The following MYOZ3 variants were observed in gnomAD, a reference collection of about 807,000 sequenced individuals.
The protein encoded by MYOZ3 is myozenin 3, also known as myozenin-3.
In MYOZ3, 19 loss-of-function variants were observed where a neutral mutation model predicts 26.5. The observed-to-expected ratio is 0.72, with a 90% CI of 0.50 to 1.05. MYOZ3 has a LOEUF of 1.05. Ranked by LOEUF, MYOZ3 falls within the 50% of genes least tolerant of loss-of-function variation. The pLI is 0.00. For synonymous variants in MYOZ3, 135 were observed against 138.8 expected, an observed-to-expected ratio of 0.97 and a Z score of 0.19; for missense variants, 322 against 337.1, an observed-to-expected ratio of 0.96 and a Z score of 0.35.
At chr5:150,669,774 T>G (rs1758872804) in intron 2 of MYOZ3, among the ~76,000 whole-genome samples, 1 of 149,242 alleles carries the variant, frequency 6.7e-6, no homozygotes, top group Non-Finnish European at 1.5e-5. Context: ...GCCTCCAGAG[T>G]GGCTGGGATT....
At chr5:150,674,166 G>A (rs1436514938) in intron 6 of MYOZ3, among the ~76,000 whole-genome samples, 1 of 152,190 alleles carries the variant, frequency 6.6e-6, no homozygotes, top group Non-Finnish European at 1.5e-5. Context: ...AGACATTCTG[G>A]AGTTCCCTGG....
Position 150,672,377 on chromosome 5 carries a change from G to T in MYOZ3, c.462G>T (p.Lys154Asn), listed in dbSNP as rs1318566321. ...AEPLKGVPPEKFNHTAISKGY... is the reference protein window; with the variant it reads ...AEPLKGVPPENFNHTAISKGY... ...CGCTGAAGGGCGTCCCGCCAGAGAA[G>T]TTCAACCACACCGCCATCTCCAAGG... Residue 154 changes from lysine to asparagine, a missense_variant, in exon 6 of 7, where the codon AAG becomes AAT. Coordinates refer to ENST00000517768, the MANE Select transcript of MYOZ3 (RefSeq NM_001122853.3). 2.5e-6 allele frequency: 4 copies of T among 1,612,710 alleles called. No homozygotes were observed. Among genetic ancestry groups the T allele is most frequent in the Non-Finnish European group, 3.4e-6 (4 of 1,179,560 alleles).
intron 6 of MYOZ3, among the ~76,000 whole-genome samples, chr5:150,674,485 G>T: frequency 6.6e-6 from 1 of 152,224 alleles, no homozygotes; most frequent in African/African-American, 2.4e-5. Flanking sequence ...CCCAGTCAAG[G>T]GCCTGACTGT....
rs1209204459 is a variant in MYOZ3 at position 150,676,733 on chromosome 5, T to A, written c.614T>A (p.Leu205His). The A allele has an allele frequency of 1.2e-6, 2 of 1,613,782 alleles. No homozygotes were observed. The highest frequency in any genetic ancestry group is 1.7e-6 in the Non-Finnish European group (2 of 1,179,990). The change falls in exon 7 of 7, where the codon CTC becomes CAC. Residue 205 changes from leucine to histidine, a missense_variant. Leu to His is a moderately conservative substitution (Grantham distance 99, BLOSUM62 -3). Coordinates refer to ENST00000517768, the MANE Select transcript of MYOZ3 (RefSeq NM_001122853.3). Reference protein sequence around the residue: ...NKTPVPFGGPLVGGTFPRPGT... With the variant: ...NKTPVPFGGPHVGGTFPRPGT... ...ACCCCGGTGCCATTTGGAGGACCCCTCGTGGGGGGCACTTTTCCCAGGCCA... is the reference window on the plus strand; with the variant it reads ...ACCCCGGTGCCATTTGGAGGACCCCACGTGGGGGGCACTTTTCCCAGGCCA...
chr5:150,662,880 AAGG>A, intron 1 of MYOZ3, 58 bp from the exon 2 acceptor site: 1 of 1,461,230 alleles, frequency 6.8e-7, no homozygotes. Context: ...CAGAGACTGG[AAGG>A]AGGTCTGGGG....
At chr5:150,672,027 C>CG in intron 5 of MYOZ3, 119 bp downstream of exon 5, 1 of 1,341,000 alleles carries the variant, frequency 7.5e-7, no homozygotes, top group South Asian at 1.4e-5. Context: ...AACACACACG[C>CG]GCACGCGCGC....
chr5:150,674,526 C>T (rs1758973850), intron 6 of MYOZ3, among the ~76,000 whole-genome samples: 1 of 152,226 alleles, frequency 6.6e-6, no homozygotes, highest in South Asian at 2.1e-4. Context: ...ACCACCCAGC[C>T]TGTTCCTGTG....
At position 150,672,453 on chromosome 5, in the gene MYOZ3, G is replaced by T. The variant is rs1363626418; in HGVS notation, c.538G>T (p.Asp180Tyr). 5.6e-6 allele frequency: 9 copies of T among 1,607,970 alleles called. No individual in the cohort carries two copies. Among genetic ancestry groups the T allele is most frequent in the Admixed American group, 1.7e-5 (1 of 59,188 alleles). The stretch of plus-strand genomic sequence containing the variant: ...CGTCAGCTACCGGGACTACCAGAGC[G>T]ATGGCCGAAGTCACACCCCCAGCCC... ...EFVSYRDYQS[D>Y]GRSHTPSPND... The change falls in exon 6 of 7, where the codon GAT (aspartate) becomes TAT (tyrosine). Residue 180 changes from aspartate (D) to tyrosine (Y), a missense_variant. Coordinates refer to ENST00000517768, the MANE Select transcript of MYOZ3 (RefSeq NM_001122853.3).
intron 2 of MYOZ3, among the ~76,000 whole-genome samples, chr5:150,664,206 C>T (rs1758775765): frequency 6.6e-6 from 1 of 152,070 alleles, no homozygotes; most frequent in Admixed American, 6.6e-5. Context: ...TCATATGTGG[C>T]ATCCTTTTAA....
chr5:150,667,283 T>C (rs893490639), intron 2 of MYOZ3, among the ~76,000 whole-genome samples: 1 of 152,160 alleles, frequency 6.6e-6, no homozygotes, highest in Non-Finnish European at 1.5e-5. Context: ...TGGCAACCCC[T>C]CTTCTCAAAC....
At chr5:150,672,117 C>A (rs773090259) in intron 5 of MYOZ3, 1 of 1,048,730 alleles carries the variant, frequency 9.5e-7, no homozygotes, top group Non-Finnish European at 1.4e-6. Flanking sequence ...AAGACCAACC[C>A]GCGCTGCGAA....
At chr5:150,676,672 C>A (rs375582809) in intron 6 of MYOZ3, 35 bp from the exon 7 acceptor site, 2 of 1,601,806 alleles carry the variant, frequency 1.2e-6, no homozygotes, top group African/African-American at 2.7e-5. Flanking sequence ...CCCTGTTCCA[C>A]ACAGCCCACC....
chr5:150,676,633 T>C, intron 6 of MYOZ3, 74 bp from the exon 7 acceptor site: 1 of 1,481,102 alleles, frequency 6.8e-7, no homozygotes, highest in Non-Finnish European at 9.2e-7. Context: ...GGCCCATACA[T>C]GGTGATCCAC....
intron 2 of MYOZ3, among the ~76,000 whole-genome samples, chr5:150,667,657 GATCCCAT>G (rs1258399822): frequency 1.4e-5 from 2 of 145,106 alleles, no homozygotes; most frequent in Non-Finnish European, 3.0e-5. Flanking sequence ...AACCCCTCTT[GATCCCAT>G]AGCTGTCTGT....
chr5:150,667,382 T>C (rs951240755), intron 2 of MYOZ3, among the ~76,000 whole-genome samples: 2 of 152,184 alleles, frequency 1.3e-5, no homozygotes, highest in African/African-American at 4.8e-5. Context: ...GAAGAGAACA[T>C]CTGCAAGCAT....
chr5:150,662,463 G>A (rs561112281), intron 1 of MYOZ3, among the ~76,000 whole-genome samples: 1 of 152,198 alleles, frequency 6.6e-6, no homozygotes, highest in East Asian at 1.9e-4. Flanking sequence ...AGGATGAAAG[G>A]GGCTCACCAG....
At chr5:150,668,359 T>G (rs1448821830) in intron 2 of MYOZ3, among the ~76,000 whole-genome samples, 2 of 152,238 alleles carry the variant, frequency 1.3e-5, no homozygotes, top group Admixed American at 1.3e-4. Context: ...TCAGCAGCAC[T>G]TGGCTCTGTT....
In MYOZ3 at chr5:150,662,967, C is replaced by T. The variant is rs1278939056; in HGVS notation, c.26C>T (p.Pro9Leu). The T allele has an allele frequency of 1.7e-5, 27 of 1,612,008 alleles. No individual in the cohort carries two copies. Among genetic ancestry groups the T allele is most frequent in the Non-Finnish European group, 2.1e-5 (25 of 1,179,168 alleles). The change falls in exon 2 of 7, where the codon CCA becomes CTA. Residue 9 changes from proline to leucine, a missense_variant. Coordinates refer to ENST00000517768, the MANE Select transcript of MYOZ3 (RefSeq NM_001122853.3). MIPKEQKGPVMAAMGDLTE... is the reference protein window; with the variant it reads MIPKEQKGLVMAAMGDLTE... ...ATGATCCCCAAGGAGCAGAAGGGGC[C>T]AGTGATGGCTGCCATGGGGGACCTC...
chr5:150,662,945 A>T lies in MYOZ3; in HGVS notation c.4A>T (p.Ile2Phe). 6.2e-7 allele frequency: 1 copy of T among 1,611,438 alleles called. No individual in the cohort carries two copies. The highest frequency in any genetic ancestry group is 8.5e-7 in the Non-Finnish European group (1 of 1,178,830). The change falls in exon 2 of 7, where the codon ATC becomes TTC. Residue 2 changes from isoleucine to phenylalanine, a missense_variant. Physicochemically the swap from Ile to Phe is conservative, Grantham distance 21. Coordinates refer to ENST00000517768, the MANE Select transcript of MYOZ3 (RefSeq NM_001122853.3). ...ATGGGGGTCTCTCCTCCACAGGATGATCCCCAAGGAGCAGAAGGGGCCAGT... is the reference window on the plus strand; with the variant it reads ...ATGGGGGTCTCTCCTCCACAGGATGTTCCCCAAGGAGCAGAAGGGGCCAGT... M[I>F]PKEQKGPVMA... is the part of the protein sequence containing the mutation.
Sources: gnomAD v4.1 joint callset for allele counts (sites outside exome capture counted in the v4.1 genomes callset) on GRCh38, gnomAD v4.1.1 for gene constraint, MANE v1.5 for transcripts, NCBI Gene and HGNC (gene_info 2026-07-23, HGNC 2026-07-21) for gene names.